PCDHA8: variants seen among roughly 807,000 people sequenced by gnomAD.
PCDHA8 encodes protocadherin alpha-8.
Under a neutral mutation model 61.8 loss-of-function variants are expected in PCDHA8, and 53 were observed. The observed-to-expected ratio is 0.86, with a 90% CI of 0.69 to 1.08. PCDHA8 has a LOEUF of 1.08. Among genes scored for constraint, PCDHA8 ranks in the 50% least tolerant of loss-of-function variants. The probability of loss-of-function intolerance (pLI) is 0.00; values close to 1 mark genes in which losing one functional copy is unlikely to be tolerated. For synonymous variants in PCDHA8, 618 were observed against 556.6 expected, an observed-to-expected ratio of 1.11 and a Z score of -1.55; for missense variants, 1,293 against 1,245.0, an observed-to-expected ratio of 1.04 and a Z score of -0.58.
rs558801074 is a variant in PCDHA8 at position 140,931,826 on chromosome 5, G to A, written c.2395-47123G>A. On this transcript the variant is annotated intron_variant, in intron 1 of 3. Transcript: ENST00000531613. ...TCTTTAGAAAAGAATTCTTGTCATA[G>A]TATCCTGAATGCCTTAATAACAACA... Among the ~76,000 whole-genome samples, 28 of 151,962 alleles carry A rather than the reference G, an allele frequency of 1.8e-4. No homozygotes were observed. In the South Asian group the frequency reaches 5.4e-3, roughly 29 times the overall value.
chr5:140,942,817 T>C (rs1479369594), intron 1 of PCDHA8, among the ~76,000 whole-genome samples: 2 of 152,160 alleles, frequency 1.3e-5, no homozygotes, highest in African/African-American at 4.8e-5. Context: ...ACTAGTTGGA[T>C]TTGGCCCTGT....
intron 1 of PCDHA8, among the ~76,000 whole-genome samples, chr5:140,909,888 C>A (rs1391505487): frequency 6.6e-6 from 1 of 152,172 alleles, no homozygotes; most frequent in Admixed American, 6.5e-5. Flanking sequence ...AGACACTGTT[C>A]AGTAGTCCCT....
chr5:140,937,197 C>T (rs1228010742), intron 1 of PCDHA8, among the ~76,000 whole-genome samples: 2 of 151,938 alleles, frequency 1.3e-5, no homozygotes, highest in African/African-American at 2.4e-5. Flanking sequence ...GCCACCATGC[C>T]CGGCTAATTT....
chr5:140,929,245 A>G, intron 1 of PCDHA8: 1 of 1,613,774 alleles, frequency 6.2e-7, no homozygotes. Flanking sequence ...AAATCTTGCC[A>G]CTGGGGTAGG....
At chr5:140,911,271 C>G (rs2075400243) in intron 1 of PCDHA8, among the ~76,000 whole-genome samples, 1 of 152,072 alleles carries the variant, frequency 6.6e-6, no homozygotes, top group Non-Finnish European at 1.5e-5. Flanking sequence ...TCTCAGTGTC[C>G]CCAGCTTCAT....
chr5:140,993,532 A>C (rs1159592677), intron 3 of PCDHA8, among the ~76,000 whole-genome samples: 1 of 151,984 alleles, frequency 6.6e-6, no homozygotes, highest in African/African-American at 2.4e-5. Flanking sequence ...ACAGAGAGAG[A>C]GAGAGATAGA....
intron 1 of PCDHA8, among the ~76,000 whole-genome samples, chr5:140,975,318 C>T (rs1554236746): frequency 6.6e-6 from 1 of 152,198 alleles, no homozygotes; most frequent in Admixed American, 6.5e-5. Flanking sequence ...TTATGTCAGT[C>T]CCATCCAGAT....
intron 3 of PCDHA8, among the ~76,000 whole-genome samples, chr5:140,992,388 G>A (rs2097508351): frequency 6.6e-6 from 1 of 152,120 alleles, no homozygotes; most frequent in Non-Finnish European, 1.5e-5. Context: ...TTGTGTTCTG[G>A]ACTTAGAGAT....
At chr5:140,856,118 G>T in intron 1 of PCDHA8, 2 of 1,598,234 alleles carry the variant, frequency 1.3e-6, no homozygotes, top group Non-Finnish European at 1.7e-6. Flanking sequence ...CGCAGCCTGG[G>T]AGGTGGGGAG....
Position 140,956,288 on chromosome 5 carries a change from C to A in PCDHA8, c.2395-22661C>A, listed in dbSNP as rs115259112. The stretch of plus-strand genomic sequence containing the variant: ...AGTGTGGTATTGGCTGTGGGTTTAT[C>A]ATATATATGGCTCTTATTATTTTGA... On this transcript the variant is annotated intron_variant, in intron 1 of 3. Transcript: ENST00000531613. Among the ~76,000 whole-genome samples, 994 of 152,174 alleles carry A rather than the reference C, an allele frequency of 6.5e-3. 6 individuals carry two copies. Among genetic ancestry groups the A allele is most frequent in the African/African-American group, 0.022 (916 of 41,532 alleles).
At chr5:140,853,868 T>C (rs2042891681) in intron 1 of PCDHA8, 1 of 983,114 alleles carries the variant, frequency 1.0e-6, no homozygotes, top group South Asian at 4.7e-5. Flanking sequence ...TACTTGACAG[T>C]GCAAGTTTCT....
At chr5:140,940,636 C>A (rs1554213535) in intron 1 of PCDHA8, among the ~76,000 whole-genome samples, 1 of 152,106 alleles carries the variant, frequency 6.6e-6, no homozygotes. Flanking sequence ...TTAAGCTTGT[C>A]ATTTATTTAT....
intron 1 of PCDHA8, among the ~76,000 whole-genome samples, chr5:140,950,908 T>G (rs1259421351): frequency 6.6e-6 from 1 of 152,072 alleles, no homozygotes; most frequent in Non-Finnish European, 1.5e-5. Flanking sequence ...TTTATTTTTA[T>G]TTTATTTCAG....
chr5:140,882,071 A>T (rs2058936449), intron 1 of PCDHA8: 4 of 864,074 alleles, frequency 4.6e-6, no homozygotes, highest in Admixed American at 2.9e-5. Context: ...GTTCATGCGC[A>T]TGGTGTCGCT....
chr5:140,959,073 G>A (rs775479268), intron 1 of PCDHA8, among the ~76,000 whole-genome samples: 2 of 152,094 alleles, frequency 1.3e-5, no homozygotes, highest in Non-Finnish European at 2.9e-5. Flanking sequence ...ATAGAATTCA[G>A]TATTATCCTT....
intron 1 of PCDHA8, chr5:140,929,315 T>C: frequency 6.4e-7 from 1 of 1,559,382 alleles, no homozygotes; most frequent in African/African-American, 1.4e-5. Context: ...CACGCTAATG[T>C]CAATGCCATG....
intron 1 of PCDHA8, among the ~76,000 whole-genome samples, chr5:140,904,500 T>C (rs1454204932): frequency 6.6e-6 from 1 of 151,976 alleles, no homozygotes; most frequent in African/African-American, 2.4e-5. Flanking sequence ...ATTTTTACAA[T>C]TGTGAATTGT....
chr5:141,000,385 CTCTCTCTCTCTA>C (rs1405113604), intron 3 of PCDHA8, among the ~76,000 whole-genome samples: 12 of 64,976 alleles, frequency 1.8e-4, no homozygotes, highest in Admixed American at 6.0e-4. Context: ...CTCTCTCTCT[CTCTCTCTCTCTA>C]TATATATATA....
intron 1 of PCDHA8, among the ~76,000 whole-genome samples, chr5:140,895,581 TTAGA>T (rs1442561424): frequency 6.6e-6 from 1 of 152,216 alleles, no homozygotes; most frequent in Non-Finnish European, 1.5e-5. Flanking sequence ...AATTACTTTA[TTAGA>T]TATATAATTT....
Sources: gnomAD v4.1 joint callset for allele counts (sites outside exome capture counted in the v4.1 genomes callset) on GRCh38, gnomAD v4.1.1 for gene constraint, MANE v1.5 for transcripts, NCBI Gene and HGNC (gene_info 2026-07-23, HGNC 2026-07-21) for gene names.